TBXT: variants seen among roughly 807,000 people sequenced by gnomAD.
TBXT encodes the protein T-box transcription factor T, also known as T brachyury transcription factor.
Under a neutral mutation model 41.1 loss-of-function variants are expected in TBXT, and 19 were observed. The ratio of observed to expected loss-of-function variants is 0.46; its 90% confidence interval spans 0.32 to 0.68. TBXT has a LOEUF of 0.68. TBXT is among the 30% of genes least tolerant of loss of function. TBXT has a pLI of 0.03. For synonymous variants in TBXT, 213 were observed against 238.9 expected, an observed-to-expected ratio of 0.89 and a Z score of 1.00; for missense variants, 536 against 582.0, an observed-to-expected ratio of 0.92 and a Z score of 0.81.
Position 166,166,522 on chromosome 6 carries a change from C to CG in TBXT, c.471+69_471+70insC. 1.9e-6 allele frequency: 3 copies of CG among 1,609,064 alleles called. No individual in the cohort carries two copies. In the East Asian group the frequency reaches 6.7e-5, roughly 36 times the overall value. Reference sequence around the variant, plus strand: ...GTTCAAGCAGCGTCCCTTCCCACAACCCCCGTGCAGAAGGCGCAGCGCGGC... The same window carrying CG: ...GTTCAAGCAGCGTCCCTTCCCACAACGCCCCGTGCAGAAGGCGCAGCGCGGC... On this transcript the variant is annotated intron_variant, in intron 2 of 7. Coordinates refer to ENST00000366876, the MANE Select transcript of TBXT (RefSeq NM_001366285.2).
At chr6:166,166,487 G>T (rs1779118695) in intron 2 of TBXT, 105 bp downstream of exon 2, 1 of 1,564,718 alleles carries the variant, frequency 6.4e-7, no homozygotes, top group Non-Finnish European at 8.7e-7. Context: ...CAGGGCAGAC[G>T]TCGCCTCCCG....
At chr6:166,162,722 A>G in intron 5 of TBXT, 99 bp from the exon 6 acceptor site, 2 of 890,088 alleles carry the variant, frequency 2.2e-6, no homozygotes, top group Non-Finnish European at 1.8e-6. Flanking sequence ...ATCACTCCAG[A>G]GAGCAGAGCC....
Position 166,162,566 on chromosome 6 carries a change from G to A in TBXT, c.788C>T (p.Pro263Leu). The A allele has an allele frequency of 1.2e-6, 2 of 1,614,162 alleles. No homozygotes were observed. The highest frequency in any genetic ancestry group is 1.7e-6 in the Non-Finnish European group (2 of 1,180,016). Residue 263 changes from proline to leucine, a missense_variant, in exon 6 of 8, where the codon CCT becomes CTT. Transcript: ENST00000366876. ...STLCPPANPH[P>L]QFGGALSLPS... ...GAGGGAGAGGGCACCTCCAAACTGA[G>A]GATGAGGATTTGCAGGTGGACACAG...
At chr6:166,161,001 T>C in intron 6 of TBXT, 35 bp from the exon 7 acceptor site, 1 of 1,612,520 alleles carries the variant, frequency 6.2e-7, no homozygotes, top group African/African-American at 1.3e-5. Context: ...CAATTATAGA[T>C]GGTGTCTTCC....
Position 166,166,705 on chromosome 6 carries a change from G to A in TBXT, c.358C>T (p.Pro120Ser), listed in dbSNP as rs201323620. 53 of 1,613,764 alleles carry A rather than the reference G, an allele frequency of 3.3e-5. No individual in the cohort carries two copies. Among genetic ancestry groups the A allele is most frequent in the Non-Finnish European group, 3.5e-5 (41 of 1,180,050 alleles). ...TCGGGGTGGATGTAGACGCAGCTGG[G>A]CGCCTGCGGCTCCGGCTTGCCCCCC... is the stretch of plus-strand genomic sequence containing the variant. ...VPGGKPEPQA[P>S]SCVYIHPDSP... The change falls in exon 2 of 8, where the codon CCC becomes TCC. Residue 120 changes from proline to serine, a missense_variant. Physicochemically the swap from Pro to Ser is moderately conservative, Grantham distance 74 (BLOSUM62 -1). Transcript: ENST00000366876.
chr6:166,160,819 G>A lies in TBXT; in HGVS notation c.1037+18C>T. 1 of 1,614,016 alleles carries A rather than the reference G, an allele frequency of 6.2e-7. No homozygotes were observed. The highest frequency in any genetic ancestry group is 1.1e-5 in the South Asian group (1 of 91,070). On this transcript the variant is annotated intron_variant, in intron 7 of 7. Coordinates refer to ENST00000366876, the MANE Select transcript of TBXT (RefSeq NM_001366285.2). ...GAGCTCCCAGGATGCTTTGCACCAGGTCCTGGACATACATTACCTGGAGCT... is the reference window on the plus strand; with the variant it reads ...GAGCTCCCAGGATGCTTTGCACCAGATCCTGGACATACATTACCTGGAGCT...
At chr6:166,161,402 A>T (rs1258412566) in intron 6 of TBXT, among the ~76,000 whole-genome samples, 1 of 152,264 alleles carries the variant, frequency 6.6e-6, no homozygotes, top group East Asian at 1.9e-4. Flanking sequence ...CTCTGGTTGA[A>T]CAAGTCCCAG....
chr6:166,161,878 G>C (rs901875918), intron 6 of TBXT, among the ~76,000 whole-genome samples: 12 of 152,210 alleles, frequency 7.9e-5, no homozygotes, highest in Admixed American at 2.0e-4. Flanking sequence ...AGCCGAGATC[G>C]TGCGACTGCA....
chr6:166,167,722 G>C lies in TBXT; in HGVS notation c.-131C>G, dbSNP rs1779173070. On this transcript the variant is annotated 5_prime_UTR_variant, in exon 1 of 8. Coordinates refer to ENST00000366876, the MANE Select transcript of TBXT (RefSeq NM_001366285.2). ...TGGACCGAGACCTGCGACGGCTCCC[G>C]GGTCCCGGGTCCCGGCACAGACCCG... 3.4e-6 allele frequency: 4 copies of C among 1,183,080 alleles called. No homozygotes were observed. In the South Asian group the frequency reaches 5.4e-5, roughly 16 times the overall value. The allele number at this position is 1,183,080 out of a possible 1,614,324, so 73.3% of individuals were successfully genotyped here. A position where few individuals can be genotyped will look rare whatever the true frequency, so the allele number is the denominator to read the frequency against.
intron 6 of TBXT, among the ~76,000 whole-genome samples, chr6:166,161,983 G>T (rs6931397): frequency 0.18 from 27,203 of 152,124 alleles, 3,341 homozygotes; most frequent in East Asian, 0.5. Context: ...CTGGGGTGGG[G>T]CCTGAGACTG....
At chr6:166,167,225 G>T (rs1379287789) in intron 1 of TBXT, among the ~76,000 whole-genome samples, 161 bp downstream of exon 1, 1 of 152,240 alleles carries the variant, frequency 6.6e-6, no homozygotes, top group African/African-American at 2.4e-5. Flanking sequence ...CCCAGAAGAG[G>T]GGCTTGTAGA....
At chr6:166,161,089 T>C (rs1200615077) in intron 6 of TBXT, 123 bp from the exon 7 acceptor site, 3 of 1,293,646 alleles carry the variant, frequency 2.3e-6, no homozygotes, top group Non-Finnish European at 3.3e-6. Flanking sequence ...CATGGGATAT[T>C]AACTGTAGAA....
chr6:166,164,537 C>T (rs9459599), intron 5 of TBXT, 68 bp downstream of exon 5: 309,629 of 1,583,484 alleles, frequency 0.2, 31,825 homozygotes, highest in Non-Finnish European at 0.21. Context: ...TCCATCTCCA[C>T]TTCCCAGCTC....
At chr6:166,163,196 C>T (rs2128522427) in intron 5 of TBXT, among the ~76,000 whole-genome samples, 1 of 152,248 alleles carries the variant, frequency 6.6e-6, no homozygotes, top group East Asian at 1.9e-4. Context: ...TGGGGTGGTG[C>T]TTAGACAAGG....
At chr6:166,159,132 A>G (rs566284085) in intron 7 of TBXT, among the ~76,000 whole-genome samples, 13 of 152,380 alleles carry the variant, frequency 8.5e-5, no homozygotes, top group African/African-American at 2.9e-4. Context: ...GGATTGCACC[A>G]TTGCACTCCA....
rs558730971 is a variant in TBXT, at chr6:166,166,158, G to A, written c.472-318C>T. On this transcript the variant is annotated intron_variant, in intron 2 of 7. Coordinates refer to ENST00000366876, the MANE Select transcript of TBXT (RefSeq NM_001366285.2). ...CATTTTTAAAAGACTGAGCTTGTTTGCAACTTGCCTAACCTGGGGTCTTCC... is the reference window on the plus strand; with the variant it reads ...CATTTTTAAAAGACTGAGCTTGTTTACAACTTGCCTAACCTGGGGTCTTCC... 3.9e-5 allele frequency among the ~76,000 whole-genome samples: 6 copies of A among 152,342 alleles called. No individual in the cohort carries two copies. The South Asian group carries it at 1.0e-3, about 26-fold the overall frequency.
At chr6:166,163,310 T>G (rs1437028026) in intron 5 of TBXT, among the ~76,000 whole-genome samples, 2 of 152,216 alleles carry the variant, frequency 1.3e-5, no homozygotes, top group East Asian at 3.9e-4. Flanking sequence ...GCTCCCCCCA[T>G]TCTCCCCAGG....
In TBXT at chr6:166,160,981, T is replaced by C. The variant is rs777267159; in HGVS notation, c.908-15A>G. On this transcript the variant is annotated splice_polypyrimidine_tract_variant and intron_variant, in intron 6 of 7. Coordinates refer to ENST00000366876, the MANE Select transcript of TBXT (RefSeq NM_001366285.2). ...GTCAGAATAGGCTAAGGGGGGAAGG[T>C]AACAAAGTGCAATTATAGATGGTGT... The C allele has an allele frequency of 6.2e-7, 1 of 1,613,478 alleles. No individual in the cohort carries two copies. The highest frequency in any genetic ancestry group is 2.2e-5 in the East Asian group (1 of 44,876).
Position 166,166,513 on chromosome 6 carries a change from T to A in TBXT, c.471+79A>T, listed in dbSNP as rs982482221. The A allele has an allele frequency of 6.2e-6, 10 of 1,607,152 alleles. No individual in the cohort carries two copies. The African/African-American group carries it at 1.3e-4, about 21-fold the overall frequency. ...TCGCCTCCCGTTCAAGCAGCGTCCC[T>A]TCCCACAACCCCCGTGCAGAAGGCG... On this transcript the variant is annotated intron_variant, in intron 2 of 7. Transcript: ENST00000366876.
Sources: allele counts gnomAD v4.1 joint callset (sites outside exome capture counted in the v4.1 genomes callset), GRCh38; gene constraint gnomAD v4.1.1; transcripts MANE v1.5; gene names NCBI Gene and HGNC (gene_info 2026-07-23, HGNC 2026-07-21).